Variants in MAPK10 observed in about 807,000 individuals in gnomAD.
MAPK10 encodes mitogen-activated protein kinase 10.
Under a neutral mutation model 59.3 loss-of-function variants are expected in MAPK10, and 25 were observed. That is an observed-to-expected ratio of 0.42 (90% CI 0.31 to 0.59). The LOEUF (loss-of-function observed/expected upper bound fraction) is 0.59. Among genes scored for constraint, MAPK10 ranks in the 20% least tolerant of loss-of-function variants. The pLI is 0.15. For missense variants in MAPK10, 351 were observed against 568.9 expected (o/e 0.62, Z 3.90); for synonymous variants, 190 against 200.5 (o/e 0.95, Z 0.44).
intron 2 of MAPK10, among the ~76,000 whole-genome samples, chr4:86,341,605 G>A (rs1724962360): frequency 1.3e-5 from 2 of 152,030 alleles, no homozygotes; most frequent in Admixed American, 6.6e-5. Flanking sequence ...TGGAGGAAAA[G>A]CACAAGAGGA....
intron 1 of MAPK10, among the ~76,000 whole-genome samples, chr4:86,440,180 C>T (rs1262569236): frequency 3.3e-5 from 5 of 152,014 alleles, no homozygotes; most frequent in Admixed American, 1.3e-4. Context: ...CCCTGGCTGA[C>T]AAAACATATC....
chr4:86,224,590 C>A (rs572752419), intron 2 of MAPK10, among the ~76,000 whole-genome samples: 1 of 152,162 alleles, frequency 6.6e-6, no homozygotes, highest in South Asian at 2.1e-4. Flanking sequence ...AATGATTACA[C>A]CGGGTCAGTA....
chr4:86,075,705 C>T (rs918175862), intron 9 of MAPK10, among the ~76,000 whole-genome samples: 3 of 152,082 alleles, frequency 2.0e-5, no homozygotes, highest in African/African-American at 4.8e-5. Context: ...TTAGACTTCT[C>T]GGGGGTCAGG....
intron 5 of MAPK10, among the ~76,000 whole-genome samples, chr4:86,105,161 T>C (rs561779218): frequency 6.6e-6 from 1 of 152,288 alleles, no homozygotes; most frequent in African/African-American, 2.4e-5. Flanking sequence ...AAGAAGTATT[T>C]TCTAAACAGA....
intron 1 of MAPK10, among the ~76,000 whole-genome samples, chr4:86,405,744 G>A (rs1260633114): frequency 6.6e-6 from 1 of 152,178 alleles, no homozygotes; most frequent in East Asian, 1.9e-4. Flanking sequence ...CAAAGATCTA[G>A]ATGATCACTT....
chr4:86,516,629 T>TTTG (rs923655947), intron 1 of MAPK10, among the ~76,000 whole-genome samples: 5 of 132,964 alleles, frequency 3.8e-5, no homozygotes, highest in Admixed American at 7.6e-5. Context: ...TAAGGGTTTT[T>TTTG]TTGTTGTTGT....
chr4:86,567,467 G>A lies in MAPK10; in HGVS notation c.-263+26443C>T, dbSNP rs185953354. 6.6e-5 allele frequency among the ~76,000 whole-genome samples: 10 copies of A among 152,190 alleles called. No individual in the cohort carries two copies. In the East Asian group the frequency reaches 1.2e-3, roughly 18 times the overall value. On this transcript the variant is annotated intron_variant, in intron 1 of 4. Transcript: ENST00000502302. ...ACTCCTAACCTCAGGTGATCCACCC[G>A]CCTCGGCCTCCCAAAGTGCTGGGAT...
At chr4:86,397,864 CAAAAAAAAAAA>C (rs759585442) in intron 1 of MAPK10, among the ~76,000 whole-genome samples, 5 of 51,756 alleles carry the variant, frequency 9.7e-5, no homozygotes, top group South Asian at 1.6e-3. Context: ...TCTGCTATGG[CAAAAAAAAAAA>C]AAAAAAAAAA....
At chr4:86,513,256 C>G (rs184419994) in intron 1 of MAPK10, among the ~76,000 whole-genome samples, 138 of 152,150 alleles carry the variant, frequency 9.1e-4, no homozygotes, top group African/African-American at 3.3e-3. Context: ...CTATATTGCC[C>G]AGGCTGGTCT....
At chr4:86,568,871 G>C (rs1331082733) in intron 1 of MAPK10, among the ~76,000 whole-genome samples, 1 of 151,998 alleles carries the variant, frequency 6.6e-6, no homozygotes, top group Non-Finnish European at 1.5e-5. Flanking sequence ...AGCTCTTCTG[G>C]ACATTGGTCT....
At chr4:86,160,668 T>C (rs906369849) in intron 3 of MAPK10, 6 of 143,096 alleles carry the variant, frequency 4.2e-5, no homozygotes, top group African/African-American at 1.5e-4. Context: ...CTCACATACC[T>C]CACAACTTGT....
Position 86,314,452 on chromosome 4 carries a change from T to A in MAPK10, c.-7+40078A>T, listed in dbSNP as rs200743265. Among the ~76,000 whole-genome samples, 3 of 152,274 alleles carry A rather than the reference T, an allele frequency of 2.0e-5. No homozygotes were observed. The East Asian group carries it at 5.8e-4, about 29-fold the overall frequency. On this transcript the variant is annotated intron_variant, in intron 2 of 13. Coordinates refer to ENST00000641462, the MANE Select transcript of MAPK10 (RefSeq NM_138982.4). ...TTTATTAGAGGTTTCTGCTTTTGCA[T>A]CTTCCTCATTTTCTCTTATTGCTGC...
intron 1 of MAPK10, among the ~76,000 whole-genome samples, chr4:86,518,239 C>T (rs1756850678): frequency 1.3e-5 from 2 of 152,272 alleles, no homozygotes; most frequent in Middle Eastern, 3.4e-3. Flanking sequence ...GCCAGGCTTG[C>T]CTCGAAATCC....
At chr4:86,323,644 A>G (rs2095953690) in intron 2 of MAPK10, among the ~76,000 whole-genome samples, 1 of 152,236 alleles carries the variant, frequency 6.6e-6, no homozygotes, top group African/African-American at 2.4e-5. Flanking sequence ...AAAGATACAC[A>G]AAGTTCCCAG....
intron 2 of MAPK10, among the ~76,000 whole-genome samples, chr4:86,312,726 T>C (rs892394449): frequency 2.0e-5 from 3 of 152,036 alleles, no homozygotes; most frequent in Admixed American, 2.0e-4. Flanking sequence ...GGAACGACAC[T>C]AGGAGTGTTT....
chr4:86,259,983 G>A lies in MAPK10; in HGVS notation c.-6-65576C>T, dbSNP rs60971884. 5.5e-3 allele frequency among the ~76,000 whole-genome samples: 839 copies of A among 152,068 alleles called. 9 individuals are homozygous for A. Among genetic ancestry groups the A allele is most frequent in the African/African-American group, 0.019 (805 of 41,522 alleles). On this transcript the variant is annotated intron_variant, in intron 2 of 13. Coordinates refer to ENST00000641462, the MANE Select transcript of MAPK10 (RefSeq NM_138982.4). ...GAAAATAATACTAAAGTTGAAAACC[G>A]ACAACCTGGATTCAAATTTCTCTTT...
At chr4:86,052,034 A>C (rs2043642776) in intron 11 of MAPK10, among the ~76,000 whole-genome samples, 1 of 152,208 alleles carries the variant, frequency 6.6e-6, no homozygotes, top group Admixed American at 6.5e-5. Context: ...TTCTTGAAAA[A>C]AAAATACCAT....
At chr4:86,569,990 C>G (rs143683437) in intron 1 of MAPK10, among the ~76,000 whole-genome samples, 52 of 152,222 alleles carry the variant, frequency 3.4e-4, no homozygotes, top group Middle Eastern at 6.8e-3. Context: ...AAGGAGAAAA[C>G]TGTTTATTTC....
intron 2 of MAPK10, among the ~76,000 whole-genome samples, chr4:86,284,549 C>T (rs377311122): frequency 2.5e-4 from 38 of 152,264 alleles, no homozygotes; most frequent in Admixed American, 1.9e-3. Flanking sequence ...AGCTCTGTGC[C>T]TCAGTTTCCT....
Sources: gnomAD v4.1 joint callset for allele counts (sites outside exome capture counted in the v4.1 genomes callset) on GRCh38, gnomAD v4.1.1 for gene constraint, MANE v1.5 for transcripts, NCBI Gene and HGNC (gene_info 2026-07-23, HGNC 2026-07-21) for gene names.